PTPRB: variants seen among roughly 807,000 people sequenced by gnomAD.
PTPRB encodes the protein receptor-type tyrosine-protein phosphatase beta.
Under a neutral mutation model 238.1 loss-of-function variants are expected in PTPRB, and 97 were observed. The ratio of observed to expected loss-of-function variants is 0.41; its 90% confidence interval spans 0.35 to 0.48. PTPRB has a LOEUF of 0.48. PTPRB is among the 20% of genes least tolerant of loss of function. PTPRB has a pLI of 0.30. For synonymous variants in PTPRB, 970 were observed against 995.4 expected (o/e 0.97, Z 0.48); for missense variants, 2,292 against 2,681.9 (o/e 0.85, Z 3.21).
chr12:70,632,192 T>C lies in PTPRB; in HGVS notation c.451+3479A>G, dbSNP rs192944985. Among the ~76,000 whole-genome samples the C allele has an allele frequency of 2.0e-5, 3 of 152,242 alleles. No individual in the cohort carries two copies. The East Asian group carries it at 5.8e-4, about 29-fold the overall frequency. ...TGGAACCAACCCAAATGTCCATCAA[T>C]GGTAGACTAGATTAAGAAAATGTGG... On this transcript the variant is annotated intron_variant, in intron 2 of 33. Coordinates refer to ENST00000334414, the MANE Select transcript of PTPRB (RefSeq NM_001109754.4).
At chr12:70,635,338 G>A (rs946898240) in intron 2 of PTPRB, among the ~76,000 whole-genome samples, 6 of 152,154 alleles carry the variant, frequency 3.9e-5, no homozygotes, top group African/African-American at 1.4e-4. Context: ...CTGTGTATAT[G>A]CCTACATCCA....
intron 16 of PTPRB, among the ~76,000 whole-genome samples, chr12:70,562,418 G>A (rs192145993): frequency 2.0e-5 from 3 of 152,278 alleles, no homozygotes; most frequent in African/African-American, 4.8e-5. Context: ...TTCATCTAGC[G>A]CTGTGTTTCT....
intron 18 of PTPRB, among the ~76,000 whole-genome samples, chr12:70,557,786 A>G (rs1042354669): frequency 1.3e-5 from 2 of 152,190 alleles, no homozygotes; most frequent in East Asian, 1.9e-4. Flanking sequence ...TGCAAGCTCA[A>G]TGTATGCTCT....
intron 3 of PTPRB, among the ~76,000 whole-genome samples, chr12:70,618,362 G>A (rs182889594): frequency 3.1e-3 from 473 of 152,230 alleles, no homozygotes; most frequent in Non-Finnish European, 5.2e-3. Flanking sequence ...TGCTCACCTC[G>A]GCCTCCCAAA....
Position 70,543,576 on chromosome 12 carries a change from A to C in PTPRB, c.5494+981T>G, listed in dbSNP as rs938978820. Among the ~76,000 whole-genome samples the C allele has an allele frequency of 2.0e-5, 3 of 152,288 alleles. No homozygotes were observed. In the South Asian group the frequency reaches 6.2e-4, roughly 32 times the overall value. ...CTATATTTGGCATAAATAGATTGGA[A>C]TGTTTGTGAGGCTGAGTCATCGTTT... On this transcript the variant is annotated intron_variant, in intron 22 of 33. Transcript: ENST00000334414.
In PTPRB at chr12:70,571,288, A is replaced by T. The variant is rs1430148368; in HGVS notation, c.3108T>A (p.Ile1036=). 1 of 1,587,852 alleles carries T rather than the reference A, an allele frequency of 6.3e-7. No homozygotes were observed. Among genetic ancestry groups the T allele is most frequent in the Admixed American group, 1.7e-5 (1 of 59,684 alleles). The change falls in exon 13 of 34, where the codon ATT becomes ATA. Residue 1036 remains isoleucine (I), a splice_region_variant and synonymous_variant. Transcript: ENST00000334414. Reference sequence around the variant, plus strand: ...ATGTTAGATCCTTAACAGGCTCTGGAACTAGGGAGAAAAATGAGAAGACAT... The same window carrying T: ...ATGTTAGATCCTTAACAGGCTCTGGTACTAGGGAGAAAAATGAGAAGACAT... The part of the protein sequence containing the change: ...EANEQGNGRT[I]PEPVKDLTLR...
At chr12:70,562,289 A>C (rs1277797721) in intron 16 of PTPRB, among the ~76,000 whole-genome samples, 1 of 150,110 alleles carries the variant, frequency 6.7e-6, no homozygotes, top group African/African-American at 2.5e-5. Context: ...GTCCCCCCCC[A>C]AAACATTTTT....
intron 4 of PTPRB, among the ~76,000 whole-genome samples, chr12:70,601,282 C>A (rs915418882): frequency 6.6e-6 from 1 of 152,096 alleles, no homozygotes; most frequent in Admixed American, 6.6e-5. Flanking sequence ...GGATTGCATG[C>A]GAACCACCAC....
At position 70,559,327 on chromosome 12, in the gene PTPRB, G is replaced by A. The variant is rs368617010; in HGVS notation, c.4714+16C>T. 4.4e-6 allele frequency: 7 copies of A among 1,597,690 alleles called. No individual in the cohort carries two copies. The South Asian group carries it at 4.4e-5, about 10-fold the overall frequency. On this transcript the variant is annotated intron_variant, in intron 18 of 33. Transcript: ENST00000334414. The stretch of plus-strand genomic sequence containing the variant: ...CTACTCCATTTGAGAAATAAGAGTA[G>A]CAAAACATGTCATACTTGTCCTCAC...
intron 4 of PTPRB, among the ~76,000 whole-genome samples, chr12:70,606,094 A>G (rs1883920067): frequency 6.6e-6 from 1 of 152,236 alleles, no homozygotes; most frequent in Non-Finnish European, 1.5e-5. Context: ...CATGGCATAC[A>G]TGAGGCAGAG....
At chr12:70,625,825 G>A (rs901396630) in intron 2 of PTPRB, among the ~76,000 whole-genome samples, 1 of 152,062 alleles carries the variant, frequency 6.6e-6, no homozygotes, top group African/African-American at 2.4e-5. Flanking sequence ...ATTTCTCCCA[G>A]AACACAATTC....
intron 15 of PTPRB, among the ~76,000 whole-genome samples, chr12:70,564,518 C>CAAA (rs547350945): frequency 7.5e-5 from 8 of 105,998 alleles, no homozygotes; most frequent in Admixed American, 3.2e-4. Context: ...GACTCCATCT[C>CAAA]AAAAAAAAAA....
intron 1 of PTPRB, among the ~76,000 whole-genome samples, chr12:70,637,004 T>C (rs1000794765): frequency 3.3e-5 from 5 of 152,174 alleles, no homozygotes; most frequent in African/African-American, 1.2e-4. Flanking sequence ...AAAATAAAAC[T>C]ATAACCGGGT....
intron 26 of PTPRB, 127 bp from the exon 27 acceptor site, chr12:70,539,141 C>T: frequency 2.6e-6 from 2 of 757,130 alleles, no homozygotes; most frequent in Non-Finnish European, 4.5e-6. Context: ...ATGCCTAGTA[C>T]TCAACATGCA....
chr12:70,525,483 T>A (rs2136201584), intron 32 of PTPRB: 1 of 152,330 alleles, frequency 6.6e-6, no homozygotes, highest in Admixed American at 6.5e-5. Context: ...CGTGGAAGAA[T>A]CTCAAAGATG....
At chr12:70,634,707 A>G (rs968735196) in intron 2 of PTPRB, among the ~76,000 whole-genome samples, 6 of 152,236 alleles carry the variant, frequency 3.9e-5, no homozygotes, top group Non-Finnish European at 7.3e-5. Flanking sequence ...TACACTGAAC[A>G]AAGAGTCAAA....
In PTPRB at chr12:70,583,990, A is replaced by G. The variant is rs377707498; in HGVS notation, c.2312-2688T>C. ...GAAGATTTCAGCTATTATAATTATC[A>G]GACATAGGATGGAAAATAAACATTG... is the stretch of plus-strand genomic sequence containing the variant. On this transcript the variant is annotated intron_variant, in intron 9 of 33. Transcript: ENST00000334414. 3.7e-4 allele frequency among the ~76,000 whole-genome samples: 57 copies of G among 152,302 alleles called. No individual in the cohort carries two copies. In the East Asian group the frequency reaches 0.011, roughly 28 times the overall value.
intron 9 of PTPRB, among the ~76,000 whole-genome samples, chr12:70,581,532 C>T (rs1187955812): frequency 6.6e-6 from 1 of 152,030 alleles, no homozygotes; most frequent in Non-Finnish European, 1.5e-5. Flanking sequence ...TATTTAAGAT[C>T]CAAAGATGAG....
intron 2 of PTPRB, among the ~76,000 whole-genome samples, chr12:70,626,355 CTAT>C (rs1566023281): frequency 1.9e-4 from 25 of 134,214 alleles, no homozygotes; most frequent in Middle Eastern, 3.7e-3. Flanking sequence ...ATCTATCTAT[CTAT>C]CTATCTATAT....
Sources: gnomAD v4.1 joint callset for allele counts (sites outside exome capture counted in the v4.1 genomes callset) on GRCh38, gnomAD v4.1.1 for gene constraint, MANE v1.5 for transcripts, NCBI Gene and HGNC (gene_info 2026-07-23, HGNC 2026-07-21) for gene names.